The following NOMO1 variants were observed in gnomAD, a reference collection of about 807,000 sequenced individuals.
NOMO1 encodes NODAL modulator 1, also known as nodal modulator 3.
Under a neutral mutation model 133.8 loss-of-function variants are expected in NOMO1, and 40 were observed. That is an observed-to-expected ratio of 0.30 (90% CI 0.23 to 0.39). NOMO1 has a LOEUF of 0.39. Among genes scored for constraint, NOMO1 ranks in the 10% least tolerant of loss-of-function variants. NOMO1 has a pLI of 1.00. For missense variants in NOMO1, 462 were observed against 1,419.9 expected, an observed-to-expected ratio of 0.33 and a Z score of 10.84; for synonymous variants, 236 against 570.5, an observed-to-expected ratio of 0.41 and a Z score of 8.36.
chr16:14,895,475 CTT>C (rs1964478864), intron 30 of NOMO1, 37 bp from the exon 31 acceptor site: 1 of 1,611,006 alleles, frequency 6.2e-7, no homozygotes, highest in Non-Finnish European at 8.5e-7. Context: ...AAAGCCTCCT[CTT>C]TGTACCCCTC....
chr16:14,883,764 G>A (rs1964279220), intron 26 of NOMO1, among the ~76,000 whole-genome samples: 1 of 151,210 alleles, frequency 6.6e-6, no homozygotes, highest in African/African-American at 2.4e-5. Context: ...AATGTGGACT[G>A]TGGCCGGGCA....
intron 1 of NOMO1, among the ~76,000 whole-genome samples, chr16:14,835,860 T>C (rs28571880): frequency 1.3e-5 from 2 of 151,880 alleles, no homozygotes; most frequent in African/African-American, 2.4e-5. Context: ...ATCGTGTTCA[T>C]TGAGTCAACA....
chr16:14,839,409 T>C (rs1216456716), intron 2 of NOMO1, among the ~76,000 whole-genome samples: 2 of 152,040 alleles, frequency 1.3e-5, no homozygotes, highest in Non-Finnish European at 2.9e-5. Context: ...TTTATAGTTA[T>C]TCAGATAGCC....
At chr16:14,878,931 A>G (rs946674482) in intron 23 of NOMO1, 97 bp downstream of exon 23, 3 of 1,544,750 alleles carry the variant, frequency 1.9e-6, no homozygotes, top group Non-Finnish European at 2.7e-6. Context: ...ACGTGAGAAG[A>G]GAAAGCCAAT....
At position 14,863,025 on chromosome 16, in the gene NOMO1, T is replaced by C; in HGVS notation, c.1233T>C (p.Cys411=). Reference sequence around the variant, plus strand: ...CTTCTCTTTGCAGGTTCAGTGTCTGTGGTCAGATATCAATCATTCGCTTCC... The same window carrying C: ...CTTCTCTTTGCAGGTTCAGTGTCTGCGGTCAGATATCAATCATTCGCTTCC... ...ADIIATGFSV[C]GQISIIRFPD... Residue 411 remains cysteine, a synonymous_variant, in exon 12 of 31, where the codon TGT becomes TGC. Transcript: ENST00000287667. The C allele has an allele frequency of 6.2e-7, 1 of 1,610,880 alleles. No homozygotes were observed. Among genetic ancestry groups the C allele is most frequent in the Non-Finnish European group, 8.5e-7 (1 of 1,179,532 alleles).
At chr16:14,840,599 CTAAAACA>C in intron 2 of NOMO1, among the ~76,000 whole-genome samples, 1 of 150,600 alleles carries the variant, frequency 6.6e-6, no homozygotes, top group Middle Eastern at 3.4e-3. Flanking sequence ...AAAAAAAAAA[CTAAAACA>C]AAAACAAAGA....
intron 26 of NOMO1, among the ~76,000 whole-genome samples, chr16:14,884,010 G>T (rs1964283457): frequency 6.7e-6 from 1 of 149,972 alleles, no homozygotes; most frequent in East Asian, 1.9e-4. Flanking sequence ...AATGAAATGT[G>T]TCTATGGGCC....
chr16:14,838,249 G>A lies in NOMO1; in HGVS notation c.166-158G>A, dbSNP rs544071624. Reference sequence around the variant, plus strand: ...AGTCACATGATTTGGGAGAGAGTTTGTTGATTTCCCTCTGTCCCCAGTAAT... The same window carrying A: ...AGTCACATGATTTGGGAGAGAGTTTATTGATTTCCCTCTGTCCCCAGTAAT... On this transcript the variant is annotated intron_variant, in intron 1 of 30. Transcript: ENST00000287667. Among the ~76,000 whole-genome samples, 8 of 152,072 alleles carry A rather than the reference G, an allele frequency of 5.3e-5. No individual in the cohort carries two copies. In the South Asian group the frequency reaches 8.3e-4, roughly 16 times the overall value.
At chr16:14,855,802 T>C (rs1227274928) in intron 9 of NOMO1, among the ~76,000 whole-genome samples, 1 of 152,048 alleles carries the variant, frequency 6.6e-6, no homozygotes, top group Non-Finnish European at 1.5e-5. Flanking sequence ...TATTCTTTAC[T>C]GTTTTCCTAA....
chr16:14,891,836 T>G (rs1002694435), intron 29 of NOMO1, among the ~76,000 whole-genome samples: 4 of 151,942 alleles, frequency 2.6e-5, no homozygotes, highest in African/African-American at 7.3e-5. Flanking sequence ...CTGTGAAGAG[T>G]GATTCATGCT....
chr16:14,862,077 T>A (rs1963929795), intron 11 of NOMO1, among the ~76,000 whole-genome samples: 1 of 151,888 alleles, frequency 6.6e-6, no homozygotes, highest in African/African-American at 2.4e-5. Flanking sequence ...GTTTTTTTTA[T>A]TTGAGGCGGA....
chr16:14,878,391 G>C (rs1964190013), intron 22 of NOMO1, among the ~76,000 whole-genome samples: 1 of 123,726 alleles, frequency 8.1e-6, no homozygotes, highest in South Asian at 3.2e-4. Context: ...CTCCTCAGGA[G>C]GTTAAAGCTG....
chr16:14,893,342 C>T (rs1597119274), intron 29 of NOMO1, among the ~76,000 whole-genome samples: 1 of 151,852 alleles, frequency 6.6e-6, no homozygotes, highest in East Asian at 1.9e-4. Context: ...CATGCACCAC[C>T]ACTTCTGGCT....
intron 6 of NOMO1, among the ~76,000 whole-genome samples, chr16:14,850,848 G>A (rs1269238002): frequency 6.6e-6 from 1 of 151,796 alleles, no homozygotes; most frequent in African/African-American, 2.4e-5. Flanking sequence ...TTGGGAGGCT[G>A]AGGTGGGTGG....
At chr16:14,874,728 G>A (rs1350047838) in intron 18 of NOMO1, among the ~76,000 whole-genome samples, 2 of 152,108 alleles carry the variant, frequency 1.3e-5, no homozygotes, top group Middle Eastern at 3.4e-3. Context: ...GTAGAATGGA[G>A]AACAGAGGAT....
chr16:14,865,335 T>G (rs1480816834), intron 14 of NOMO1, among the ~76,000 whole-genome samples, 180 bp downstream of exon 14: 1 of 145,750 alleles, frequency 6.9e-6, no homozygotes, highest in Non-Finnish European at 1.5e-5. Context: ...GTCCAGGCCC[T>G]GAGCTGACCG....
rs926466954 is a variant in NOMO1 at position 14,887,297 on chromosome 16, C to CT, written c.3324+449dup. On this transcript the variant is annotated intron_variant, in intron 28 of 30. Transcript: ENST00000287667. ...ATCTGTTCCTCATCATCAAATCTTT[C>CT]TTTTTTTTTTTTTTGAGACGGAGTC... is the stretch of plus-strand genomic sequence containing the variant. Among the ~76,000 whole-genome samples, 99 of 146,056 alleles carry CT rather than the reference C, an allele frequency of 6.8e-4. 1 individual carries two copies. Among genetic ancestry groups the CT allele is most frequent in the East Asian group, 1.8e-3 (9 of 5,056 alleles).
chr16:14,846,892 T>C (rs897887247), intron 5 of NOMO1, among the ~76,000 whole-genome samples: 5 of 149,050 alleles, frequency 3.4e-5, no homozygotes, highest in African/African-American at 1.2e-4. Flanking sequence ...GATGAGATGA[T>C]TAAATATGAG....
In NOMO1 at chr16:14,876,712, G is replaced by A. The variant is rs1439175712; in HGVS notation, c.2565G>A (p.Lys855=). The part of the protein sequence containing the change: ...SDLEYTVTSQ[K]EGYVLTAVEG... ...TGGAGTACACGGTGACCTCACAGAA[G>A]GAGGGCTATGTTCTGACTGCGGTGG... The change falls in exon 22 of 31, where the codon AAG becomes AAA. Residue 855 remains lysine, a synonymous_variant. Coordinates refer to ENST00000287667, the MANE Select transcript of NOMO1 (RefSeq NM_014287.4). 1 of 1,610,784 alleles carries A rather than the reference G, an allele frequency of 6.2e-7. No individual in the cohort carries two copies. Among genetic ancestry groups the A allele is most frequent in the Non-Finnish European group, 8.5e-7 (1 of 1,179,732 alleles).
Sources: gnomAD v4.1 joint callset for allele counts (sites outside exome capture counted in the v4.1 genomes callset) on GRCh38, gnomAD v4.1.1 for gene constraint, MANE v1.5 for transcripts, NCBI Gene and HGNC (gene_info 2026-07-23, HGNC 2026-07-21) for gene names.